PBX3: variants seen among roughly 807,000 people sequenced by gnomAD.
PBX3 encodes pre-B-cell leukemia transcription factor 3.
A neutral mutation model predicts 48.5 loss-of-function variants in PBX3; 14 were observed. That is an observed-to-expected ratio of 0.29 (90% CI 0.19 to 0.45). The LOEUF (loss-of-function observed/expected upper bound fraction) is 0.45. PBX3 is among the 20% of genes least tolerant of loss of function. The pLI, the probability that PBX3 is intolerant of heterozygous loss-of-function variation, is 1.00. For missense variants in PBX3, 386 were observed against 546.7 expected, an observed-to-expected ratio of 0.71 and a Z score of 2.93; for synonymous variants, 210 against 200.3, an observed-to-expected ratio of 1.05 and a Z score of -0.41.
chr9:125,895,181 C>A (rs1385769790), intron 2 of PBX3, among the ~76,000 whole-genome samples: 1 of 151,988 alleles, frequency 6.6e-6, no homozygotes, highest in African/African-American at 2.4e-5. Flanking sequence ...ACCTTTGGGG[C>A]TTACAGATTT....
intron 2 of PBX3, among the ~76,000 whole-genome samples, chr9:125,821,740 G>C (rs1838658398): frequency 6.6e-6 from 1 of 152,064 alleles, no homozygotes; most frequent in Admixed American, 6.5e-5. Context: ...TCAAATTTGA[G>C]AAATTTTGAA....
chr9:125,895,843 A>C (rs908795715), intron 2 of PBX3, among the ~76,000 whole-genome samples: 1 of 152,070 alleles, frequency 6.6e-6, no homozygotes, highest in Admixed American at 6.6e-5. Context: ...TCTGTGTTCA[A>C]ATTTCTAGGG....
chr9:125,942,315 G>T (rs1404448952), intron 5 of PBX3, among the ~76,000 whole-genome samples: 3 of 152,150 alleles, frequency 2.0e-5, no homozygotes, highest in African/African-American at 7.2e-5. Flanking sequence ...GTGCTGGTTT[G>T]TGAGGCACGG....
chr9:125,858,579 A>G lies in PBX3; in HGVS notation c.275-57107A>G, dbSNP rs1839781271. Among the ~76,000 whole-genome samples, 3 of 150,384 alleles carry G rather than the reference A, an allele frequency of 2.0e-5. No individual in the cohort carries two copies. The South Asian group carries it at 6.4e-4, about 32-fold the overall frequency. On this transcript the variant is annotated intron_variant, in intron 2 of 8. Coordinates refer to ENST00000373489, the MANE Select transcript of PBX3 (RefSeq NM_006195.6). ...AGTGGTATTTCCAGAAAGTAAATGCATATTTCACTTTTGGGGACCCTACTT... is the reference window on the plus strand; with the variant it reads ...AGTGGTATTTCCAGAAAGTAAATGCGTATTTCACTTTTGGGGACCCTACTT...
chr9:125,942,780 G>A (rs1588322663), intron 5 of PBX3, among the ~76,000 whole-genome samples: 1 of 152,302 alleles, frequency 6.6e-6, no homozygotes, highest in Middle Eastern at 3.4e-3. Flanking sequence ...TCCCAGTGGA[G>A]GTGGGACATC....
chr9:125,879,537 A>G (rs1316286197), intron 2 of PBX3, among the ~76,000 whole-genome samples: 1 of 152,214 alleles, frequency 6.6e-6, no homozygotes, highest in African/African-American at 2.4e-5. Flanking sequence ...TGAAAGTACT[A>G]AAAGAAGTTA....
chr9:125,809,855 T>C (rs1838236188), intron 2 of PBX3, among the ~76,000 whole-genome samples: 1 of 152,106 alleles, frequency 6.6e-6, no homozygotes, highest in African/African-American at 2.4e-5. Flanking sequence ...GGCAACCTGG[T>C]AGAAAAATGA....
At chr9:125,861,062 G>A (rs970012104) in intron 2 of PBX3, among the ~76,000 whole-genome samples, 1 of 151,996 alleles carries the variant, frequency 6.6e-6, no homozygotes, top group Non-Finnish European at 1.5e-5. Flanking sequence ...GAGGCAGGAG[G>A]ATCACTTGAA....
intron 2 of PBX3, among the ~76,000 whole-genome samples, chr9:125,897,369 C>T (rs1840799608): frequency 6.6e-6 from 1 of 151,628 alleles, no homozygotes; most frequent in African/African-American, 2.4e-5. Context: ...GCTTGTTATG[C>T]CATCCAATCA....
chr9:125,804,758 C>T (rs1838067775), intron 2 of PBX3, among the ~76,000 whole-genome samples: 1 of 151,934 alleles, frequency 6.6e-6, no homozygotes, highest in South Asian at 2.1e-4. Flanking sequence ...GGAGCCTAGC[C>T]AACATGGTGA....
At chr9:125,812,432 A>G (rs761512356) in intron 2 of PBX3, among the ~76,000 whole-genome samples, 19 of 152,336 alleles carry the variant, frequency 1.2e-4, no homozygotes, top group Non-Finnish European at 1.9e-4. Flanking sequence ...GCTTATTTGG[A>G]TATTTTAATT....
Position 125,923,787 on chromosome 9 carries a change from T to C in PBX3, c.517-5868T>C, listed in dbSNP as rs1251781244. 4.0e-5 allele frequency among the ~76,000 whole-genome samples: 6 copies of C among 151,042 alleles called. No individual in the cohort carries two copies. The East Asian group carries it at 1.2e-3, about 30-fold the overall frequency. ...CTCACTGTTGCCCAGGCTGGTCTTG[T>C]ACTCCTGGGCTCAAACATTCCTCCT... On this transcript the variant is annotated intron_variant, in intron 3 of 8. Transcript: ENST00000373489.
rs564925465 is a variant in PBX3, at chr9:125,756,808, G to A, written c.274+8185G>A. 1.4e-3 allele frequency among the ~76,000 whole-genome samples: 216 copies of A among 152,232 alleles called. 1 individual carries two copies. Among genetic ancestry groups the A allele is most frequent in the African/African-American group, 5.0e-3 (208 of 41,544 alleles). On this transcript the variant is annotated intron_variant, in intron 2 of 8. Transcript: ENST00000373489. The stretch of plus-strand genomic sequence containing the variant: ...CCTGATTACATTTCGCTGTGAAGAC[G>A]ACTTTTAGTGTACCTACCACATTAG...
chr9:125,834,065 T>C (rs917606493), intron 2 of PBX3, among the ~76,000 whole-genome samples: 4 of 152,238 alleles, frequency 2.6e-5, no homozygotes, highest in Non-Finnish European at 5.9e-5. Flanking sequence ...ATGTTGGGAA[T>C]ACAGCAATGA....
At chr9:125,845,603 A>G (rs1008966988) in intron 2 of PBX3, among the ~76,000 whole-genome samples, 31 of 152,250 alleles carry the variant, frequency 2.0e-4, no homozygotes, top group African/African-American at 7.0e-4. Context: ...AGCCAGGGAT[A>G]TGATGAGGAC....
At chr9:125,882,864 T>C (rs1255573963) in intron 2 of PBX3, among the ~76,000 whole-genome samples, 1 of 152,354 alleles carries the variant, frequency 6.6e-6, no homozygotes, top group East Asian at 1.9e-4. Context: ...TTTCAAATAC[T>C]GCAGAAAATG....
chr9:125,839,100 A>G (rs1344595039), intron 2 of PBX3, among the ~76,000 whole-genome samples: 1 of 152,186 alleles, frequency 6.6e-6, no homozygotes, highest in African/African-American at 2.4e-5. Context: ...TGAGGAAGTA[A>G]CTGAAAATAA....
At chr9:125,812,867 G>C (rs2132131019) in intron 2 of PBX3, among the ~76,000 whole-genome samples, 1 of 152,234 alleles carries the variant, frequency 6.6e-6, no homozygotes, top group South Asian at 2.1e-4. Context: ...ACATAGAAAA[G>C]GTAGAGTAAC....
At chr9:125,793,357 G>GAAAAAA (rs374195121) in intron 2 of PBX3, among the ~76,000 whole-genome samples, 2 of 109,068 alleles carry the variant, frequency 1.8e-5, no homozygotes, top group African/African-American at 7.9e-5. Context: ...ATTTGGGGGG[G>GAAAAAA]AAAAAAAAAA....
Sources: allele counts gnomAD v4.1 joint callset (sites outside exome capture counted in the v4.1 genomes callset), GRCh38; gene constraint gnomAD v4.1.1; transcripts MANE v1.5; gene names NCBI Gene and HGNC (gene_info 2026-07-23, HGNC 2026-07-21).